The following MTHFD1 variants were observed in gnomAD, a reference collection of about 807,000 sequenced individuals.
The protein encoded by MTHFD1 is methylenetetrahydrofolate dehydrogenase, cyclohydrolase and formyltetrahydrofolate synthetase 1, also known as C-1-tetrahydrofolate synthase, cytoplasmic.
In MTHFD1, 44 loss-of-function variants were observed where a neutral mutation model predicts 110.3. The observed-to-expected ratio is 0.40, with a 90% confidence interval of 0.31 to 0.51. MTHFD1 has a LOEUF of 0.51. MTHFD1 is among the 20% of genes least tolerant of loss of function. MTHFD1 has a pLI of 0.60. For missense variants in MTHFD1, 909 were observed against 1,173.1 expected, an observed-to-expected ratio of 0.77 and a Z score of 3.29; for synonymous variants, 402 against 428.8, an observed-to-expected ratio of 0.94 and a Z score of 0.77.
chr14:64,391,276 T>G (rs1167986504), intron 1 of MTHFD1, among the ~76,000 whole-genome samples: 2 of 152,176 alleles, frequency 1.3e-5, no homozygotes. Flanking sequence ...ACGATTCTCC[T>G]GCCTCAGCCT....
At chr14:64,423,240 T>C (rs2078089266) in intron 8 of MTHFD1, among the ~76,000 whole-genome samples, 1 of 152,162 alleles carries the variant, frequency 6.6e-6, no homozygotes, top group Non-Finnish European at 1.5e-5. Flanking sequence ...AAAAATATCT[T>C]ACGTATCTGT....
chr14:64,419,898 A>G lies in MTHFD1; in HGVS notation c.700A>G (p.Ile234Val), dbSNP rs1245446628. Residue 234 changes from isoleucine (I) to valine (V), a missense_variant, in exon 8 of 28, where the codon ATC (isoleucine) becomes GTC (valine). By Grantham distance (29) the Ile-to-Val change is conservative. This residue lies in a region of MTHFD1 where 424 missense variants were observed against 510.4 expected (regional missense o/e 0.83). Coordinates refer to ENST00000652337, the MANE Select transcript of MTHFD1 (RefSeq NM_005956.4). ...GEWIKPGAIVIDCGINYVPDD... is the reference protein window; with the variant it reads ...GEWIKPGAIVVDCGINYVPDD... Reference sequence around the variant, plus strand: ...GTGGATCAAACCTGGGGCAATAGTCATCGACTGTGGAATCAATTATGTCCC... The same window carrying G: ...GTGGATCAAACCTGGGGCAATAGTCGTCGACTGTGGAATCAATTATGTCCC... The G allele has an allele frequency of 7.4e-6, 12 of 1,613,920 alleles. No individual in the cohort carries two copies. The Admixed American group carries it at 1.7e-4, about 22-fold the overall frequency.
chr14:64,411,176 C>A (rs1304621992), intron 3 of MTHFD1, 27 bp downstream of exon 3: 1 of 1,583,366 alleles, frequency 6.3e-7, no homozygotes, highest in Non-Finnish European at 8.7e-7. Flanking sequence ...TGTGCCATCA[C>A]CCTCCCCAAC....
At chr14:64,441,798 G>A (rs569700039) in intron 19 of MTHFD1, 8 of 543,784 alleles carry the variant, frequency 1.5e-5, no homozygotes, top group South Asian at 8.3e-5. Flanking sequence ...GCGAGACTCC[G>A]TGTCAAAAAA....
rs933695742 is a variant in MTHFD1 at position 64,415,608 on chromosome 14, A to G, written c.378-31A>G. ...AGAGTAAAGACATCTAATTGCCTTTATTTCCTTCTTATTTCCATCACTTTT... is the reference window on the plus strand; with the variant it reads ...AGAGTAAAGACATCTAATTGCCTTTGTTTCCTTCTTATTTCCATCACTTTT... On this transcript the variant is annotated intron_variant, in intron 5 of 27. Coordinates refer to ENST00000652337, the MANE Select transcript of MTHFD1 (RefSeq NM_005956.4). 1.3e-5 allele frequency: 21 copies of G among 1,612,656 alleles called. No individual in the cohort carries two copies. In the Admixed American group the frequency reaches 2.8e-4, roughly 22 times the overall value.
chr14:64,429,261 A>AACATATATATAT lies in MTHFD1; in HGVS notation c.1265-922_1265-921insCATATATATATA, dbSNP rs11158541. Reference sequence around the variant, plus strand: ...GACAGTATGAGACTCTGTCTAAAAAAATATATATCTGATTTACATTTATTG... The same window carrying AACATATATATAT: ...GACAGTATGAGACTCTGTCTAAAAAAACATATATATATATATATATCTGATTTACATTTATTG... On this transcript the variant is annotated intron_variant, in intron 12 of 27. Coordinates refer to ENST00000652337, the MANE Select transcript of MTHFD1 (RefSeq NM_005956.4). Among the ~76,000 whole-genome samples, 28 of 108,246 alleles carry AACATATATATAT rather than the reference A, an allele frequency of 2.6e-4. 3 individuals are homozygous for AACATATATATAT. Among genetic ancestry groups the AACATATATATAT allele is most frequent in the East Asian group, 8.9e-4 (3 of 3,358 alleles). The allele number at this position is 108,246 out of a possible 152,430, so 71.0% of individuals were successfully genotyped here. A position where few individuals can be genotyped will look rare whatever the true frequency, so the allele number is the denominator to read the frequency against.
intron 4 of MTHFD1, 28 bp from the exon 5 acceptor site, chr14:64,415,330 T>C (rs543577863): frequency 2.5e-6 from 4 of 1,592,082 alleles, no homozygotes; most frequent in Admixed American, 1.7e-5. Flanking sequence ...CTGTGTGATA[T>C]ACAAATTATA....
intron 1 of MTHFD1, among the ~76,000 whole-genome samples, chr14:64,391,913 A>C (rs2077808787): frequency 6.6e-6 from 1 of 152,170 alleles, no homozygotes; most frequent in Non-Finnish European, 1.5e-5. Context: ...CCCTCATGAA[A>C]CTTGCATACT....
rs773494969 is a variant in MTHFD1 at position 64,442,330 on chromosome 14, C to T, written c.2064C>T (p.Ser688=). ...TTTTTAACATCAAATGCCGGTATTC[C>T]GGCCTCTGCCCCCACGTGGTGGTGC... The part of the protein sequence containing the change: ...EKFFNIKCRY[S]GLCPHVVVLV... The change falls in exon 21 of 28, where the codon TCC becomes TCT. Residue 688 remains serine, a synonymous_variant. Coordinates refer to ENST00000652337, the MANE Select transcript of MTHFD1 (RefSeq NM_005956.4). 8.7e-6 allele frequency: 14 copies of T among 1,614,076 alleles called. No individual in the cohort carries two copies. Among genetic ancestry groups the T allele is most frequent in the African/African-American group, 2.7e-5 (2 of 74,942 alleles).
In MTHFD1 at chr14:64,404,874, G is replaced by A. The variant is rs573009473; in HGVS notation, c.126+3997G>A. 3.3e-5 allele frequency among the ~76,000 whole-genome samples: 5 copies of A among 152,224 alleles called. No individual in the cohort carries two copies. In the East Asian group the frequency reaches 9.6e-4, roughly 29 times the overall value. The stretch of plus-strand genomic sequence containing the variant: ...TGATCACAGCTACTCAGGAGGCTGA[G>A]GCAGGAGAATCGCTTGAACCTGGGG... On this transcript the variant is annotated intron_variant, in intron 2 of 27. Coordinates refer to ENST00000652337, the MANE Select transcript of MTHFD1 (RefSeq NM_005956.4).
intron 1 of MTHFD1, among the ~76,000 whole-genome samples, chr14:64,397,864 A>C (rs560875760): frequency 5.1e-4 from 77 of 152,320 alleles, no homozygotes; most frequent in African/African-American, 1.8e-3. Context: ...TAAAGGTTAT[A>C]TTTTAGCAAT....
chr14:64,395,913 G>A (rs2077844900), intron 1 of MTHFD1, among the ~76,000 whole-genome samples: 1 of 152,080 alleles, frequency 6.6e-6, no homozygotes, highest in Non-Finnish European at 1.5e-5. Flanking sequence ...AGAATTATAG[G>A]ATTCATTAAA....
chr14:64,408,309 A>G (rs1260209464), intron 2 of MTHFD1, among the ~76,000 whole-genome samples: 16 of 117,888 alleles, frequency 1.4e-4, no homozygotes, highest in Admixed American at 1.1e-3. Context: ...TTTTTTTGAG[A>G]TGGAGTTTCA....
Position 64,411,120 on chromosome 14 carries a change from A to G in MTHFD1, c.157A>G (p.Ile53Val). 1 of 1,613,350 alleles carries G rather than the reference A, an allele frequency of 6.2e-7. No individual in the cohort carries two copies. Among genetic ancestry groups the G allele is most frequent in the Non-Finnish European group, 8.5e-7 (1 of 1,179,676 alleles). ...VGNRDDSNLYINVKLKAAEEI... is the reference protein window; with the variant it reads ...VGNRDDSNLYVNVKLKAAEEI... ...CAACAGAGATGATTCCAATCTTTAT[A>G]TAAATGTGAAGCTGAAGGCTGCTGA... The change falls in exon 3 of 28, where the codon ATA (isoleucine) becomes GTA (valine). Residue 53 changes from isoleucine to valine, a missense_variant. Physicochemically the swap from Ile to Val is conservative, Grantham distance 29 (BLOSUM62 3). This residue lies in a region of MTHFD1 where 424 missense variants were observed against 510.4 expected (regional missense o/e 0.83). Transcript: ENST00000652337.
intron 2 of MTHFD1, among the ~76,000 whole-genome samples, chr14:64,403,414 ACAGGTGC>A (rs1431879850): frequency 1.3e-5 from 2 of 151,960 alleles, no homozygotes. Flanking sequence ...AGCTGGGATT[ACAGGTGC>A]CACGCCCAGC....
At chr14:64,432,233 T>C (rs1596547833) in intron 15 of MTHFD1, among the ~76,000 whole-genome samples, 2 of 152,336 alleles carry the variant, frequency 1.3e-5, no homozygotes, top group East Asian at 3.9e-4. Flanking sequence ...CGCTTACTTG[T>C]CTGTAAAATA....
rs373176746 is a variant in MTHFD1, at chr14:64,427,434, G to A, written c.1225G>A (p.Val409Met). ...TCTCTACCAGAATGTCTTTGCGTGT[G>A]TGCGACAGCCTTCTCAGGGCCCCAC... ...AHLYQNVFAC[V>M]RQPSQGPTFG... The change falls in exon 12 of 28, where the codon GTG (valine) becomes ATG (methionine). Residue 409 changes from valine to methionine, a missense_variant. By Grantham distance (21) the Val-to-Met change is conservative (BLOSUM62 1). Coordinates refer to ENST00000652337, the MANE Select transcript of MTHFD1 (RefSeq NM_005956.4). 1 of 1,614,204 alleles carries A rather than the reference G, an allele frequency of 6.2e-7. No individual in the cohort carries two copies. Among genetic ancestry groups the A allele is most frequent in the African/African-American group, 1.3e-5 (1 of 75,056 alleles).
At chr14:64,446,711 T>C (rs562737787) in intron 22 of MTHFD1, among the ~76,000 whole-genome samples, 56 of 152,214 alleles carry the variant, frequency 3.7e-4, no homozygotes, top group African/African-American at 1.3e-3. Context: ...CCGGCTAATT[T>C]TTTTGTATTT....
chr14:64,447,076 G>A (rs186284120), intron 22 of MTHFD1, among the ~76,000 whole-genome samples: 8 of 151,266 alleles, frequency 5.3e-5, no homozygotes, highest in Admixed American at 2.0e-4. Flanking sequence ...ACTCCTAGGT[G>A]CAAGTGATCC....
Sources: gnomAD v4.1 joint callset for allele counts (sites outside exome capture counted in the v4.1 genomes callset) on GRCh38, gnomAD v4.1.1 for gene constraint, gnomAD v4.1.1 regional missense constraint, MANE v1.5 for transcripts, NCBI Gene and HGNC (gene_info 2026-07-23, HGNC 2026-07-21) for gene names.